The following ENPEP variants were observed in gnomAD, a reference collection of about 807,000 sequenced individuals.
The protein encoded by ENPEP is AP-A.
ENPEP carries 103 observed loss-of-function variants against 114.5 expected under a neutral mutation model. The observed-to-expected ratio is 0.90, with a 90% confidence interval of 0.77 to 1.06. ENPEP has a LOEUF of 1.06. Ranked by LOEUF, ENPEP falls within the 50% of genes least tolerant of loss-of-function variation. ENPEP has a pLI of 0.00. For synonymous variants in ENPEP, 420 were observed against 422.0 expected, an observed-to-expected ratio of 1.00 and a Z score of 0.06; for missense variants, 1,196 against 1,161.3, an observed-to-expected ratio of 1.03 and a Z score of -0.43.
At chr4:110,513,585 T>C in intron 7 of ENPEP, 36 bp downstream of exon 7, 1 of 1,607,408 alleles carries the variant, frequency 6.2e-7, no homozygotes, top group African/African-American at 1.3e-5. Context: ...AACATCTTCC[T>C]GTTTAGTGAC....
intron 11 of ENPEP, among the ~76,000 whole-genome samples, chr4:110,541,673 T>A (rs1726852693): frequency 6.6e-6 from 1 of 152,148 alleles, no homozygotes; most frequent in Admixed American, 6.6e-5. Flanking sequence ...ATAAGATGGA[T>A]TCTTAACATG....
At chr4:110,518,550 AC>A (rs1355949201) in intron 8 of ENPEP, among the ~76,000 whole-genome samples, 1 of 152,256 alleles carries the variant, frequency 6.6e-6, no homozygotes, top group East Asian at 1.9e-4. Context: ...TAAAATTAGT[AC>A]CTTTTAATAT....
intron 13 of ENPEP, among the ~76,000 whole-genome samples, 197 bp downstream of exon 13, chr4:110,543,267 C>A (rs1032626567): frequency 6.6e-6 from 1 of 152,038 alleles, no homozygotes; most frequent in Non-Finnish European, 1.5e-5. Context: ...CTGACATTAG[C>A]CCTTAAGGTA....
chr4:110,517,341 TTAAA>T (rs1465179003), intron 8 of ENPEP, among the ~76,000 whole-genome samples: 4 of 152,186 alleles, frequency 2.6e-5, no homozygotes, highest in African/African-American at 9.7e-5. Flanking sequence ...AAAATGTTTG[TTAAA>T]TGAATGAATG....
At chr4:110,558,200 A>C (rs1727552152) in intron 18 of ENPEP, among the ~76,000 whole-genome samples, 1 of 149,028 alleles carries the variant, frequency 6.7e-6, no homozygotes, top group East Asian at 2.0e-4. Context: ...ACAAACTATC[A>C]GCTTTTATCT....
rs371337822 is a variant in ENPEP, at chr4:110,561,440, G to A, written c.2756G>A (p.Gly919Glu). Residue 919 changes from glycine (G) to glutamate (E), a missense_variant, in exon 20 of 20, where the codon GGA becomes GAA. Physicochemically the swap from Gly to Glu is moderately conservative, Grantham distance 98. Transcript: ENST00000265162. ...ESFFAKYPQA[G>E]AGEKPREQVL... Reference sequence around the variant, plus strand: ...TTTTTTGCAAAATATCCACAAGCTGGAGCAGGAGAAAAACCTAGGGAACAA... The same window carrying A: ...TTTTTTGCAAAATATCCACAAGCTGAAGCAGGAGAAAAACCTAGGGAACAA... 6.2e-7 allele frequency: 1 copy of A among 1,613,952 alleles called. No homozygotes were observed. Among genetic ancestry groups the A allele is most frequent in the African/African-American group, 1.3e-5 (1 of 75,010 alleles).
At chr4:110,493,537 T>C (rs1724804207) in intron 3 of ENPEP, among the ~76,000 whole-genome samples, 1 of 152,104 alleles carries the variant, frequency 6.6e-6, no homozygotes, top group African/African-American at 2.4e-5. Context: ...CCTCCAACCC[T>C]TCCATAGAAG....
At chr4:110,501,656 T>C (rs1031604905) in intron 3 of ENPEP, among the ~76,000 whole-genome samples, 2 of 152,240 alleles carry the variant, frequency 1.3e-5, no homozygotes, top group African/African-American at 2.4e-5. Flanking sequence ...GCTGTATATA[T>C]ACCACATTTT....
At chr4:110,503,135 A>C (rs1394004383) in intron 3 of ENPEP, among the ~76,000 whole-genome samples, 1 of 151,956 alleles carries the variant, frequency 6.6e-6, no homozygotes, top group Non-Finnish European at 1.5e-5. Context: ...ATTCCCACCT[A>C]TGAGTGAGAA....
Position 110,559,675 on chromosome 4 carries a change from C to T in ENPEP, c.2671C>T (p.Arg891Ter), listed in dbSNP as rs762362043. ...TACACTCAATAACAGAAACCTTGGC[C>T]GAATTGTCACAATAGCAGAGCCATT... ...RYTLNNRNLG[R>*]IVTIAEPFNT... The change falls in exon 19 of 20, where the codon CGA becomes TGA. Residue 891 changes from arginine (R) to a stop codon, truncating the protein, a stop_gained. Coordinates refer to ENST00000265162, the MANE Select transcript of ENPEP (RefSeq NM_001977.4). LOFTEE classifies it high-confidence loss of function. The T allele has an allele frequency of 8.5e-5, 137 of 1,613,668 alleles. 1 individual carries two copies. The South Asian group carries it at 1.2e-3, about 14-fold the overall frequency.
chr4:110,479,531 T>C (rs1339439954), intron 1 of ENPEP, among the ~76,000 whole-genome samples: 19 of 152,134 alleles, frequency 1.2e-4, no homozygotes, highest in Non-Finnish European at 2.4e-4. Flanking sequence ...TGTGTATGCA[T>C]GTGTGTGTGT....
Position 110,562,814 on chromosome 4 carries a change from C to G in ENPEP, c.*1256C>G, listed in dbSNP as rs979176709. ...TTTCAATCTGCTATATCTAGAAAAT[C>G]TAAATTTATTTGGAACTTTCAAAAA... is the stretch of plus-strand genomic sequence containing the variant. On this transcript the variant is annotated 3_prime_UTR_variant, in exon 20 of 20. Transcript: ENST00000265162. 10 of 152,026 alleles carry G rather than the reference C, an allele frequency of 6.6e-5. No individual in the cohort carries two copies. Among genetic ancestry groups the G allele is most frequent in the African/African-American group, 2.2e-4 (9 of 41,410 alleles). 9.4% of individuals were successfully genotyped at this position (152,026 alleles called of 1,614,324 possible).
Position 110,555,422 on chromosome 4 carries a change from T to A in ENPEP, c.2642+1967T>A, listed in dbSNP as rs547714340. On this transcript the variant is annotated intron_variant, in intron 18 of 19. Transcript: ENST00000265162. Reference sequence around the variant, plus strand: ...TTTTACTATCTCCATTTCTGAACAATTTATGGTCATCCTGAAATAAATAAT... The same window carrying A: ...TTTTACTATCTCCATTTCTGAACAAATTATGGTCATCCTGAAATAAATAAT... 4.6e-5 allele frequency among the ~76,000 whole-genome samples: 7 copies of A among 152,184 alleles called. No homozygotes were observed. In the East Asian group the frequency reaches 1.2e-3, roughly 25 times the overall value.
At chr4:110,558,438 G>A (rs1421412280) in intron 18 of ENPEP, among the ~76,000 whole-genome samples, 10 of 151,558 alleles carry the variant, frequency 6.6e-5, no homozygotes, top group Admixed American at 2.0e-4. Flanking sequence ...CTTGTGGGGC[G>A]CACACCACCA....
At chr4:110,509,888 TAGC>T in intron 5 of ENPEP, 81 bp downstream of exon 5, 2 of 1,492,148 alleles carry the variant, frequency 1.3e-6, no homozygotes, top group Non-Finnish European at 1.8e-6. Flanking sequence ...ATTTATGACT[TAGC>T]AAATAAAAAA....
chr4:110,552,766 A>G (rs1018006853), intron 17 of ENPEP, among the ~76,000 whole-genome samples: 1 of 152,146 alleles, frequency 6.6e-6, no homozygotes, highest in Admixed American at 6.6e-5. Flanking sequence ...CATTTAATTT[A>G]TCTTGTACTT....
chr4:110,538,080 ATGGTAAATGAGTAT>A (rs1481885184), intron 11 of ENPEP, among the ~76,000 whole-genome samples: 2 of 152,190 alleles, frequency 1.3e-5, no homozygotes, highest in Non-Finnish European at 2.9e-5. Flanking sequence ...GATTTTTGGA[ATGGTAAATGAGTAT>A]TGGCTTTAAT....
At chr4:110,512,235 G>A (rs1578402078) in intron 6 of ENPEP, among the ~76,000 whole-genome samples, 3 of 152,190 alleles carry the variant, frequency 2.0e-5, no homozygotes, top group South Asian at 2.1e-4. Context: ...GGAATACCTC[G>A]TTTCACTGGT....
intron 3 of ENPEP, among the ~76,000 whole-genome samples, chr4:110,501,121 A>T (rs956571542): frequency 3.9e-5 from 6 of 152,100 alleles, no homozygotes; most frequent in African/African-American, 1.2e-4. Context: ...TGTTTGTGAT[A>T]TATGGTAGTT....
Sources: gnomAD v4.1 joint callset for allele counts (sites outside exome capture counted in the v4.1 genomes callset) on GRCh38, gnomAD v4.1.1 for gene constraint, MANE v1.5 for transcripts, NCBI Gene and HGNC (gene_info 2026-07-23, HGNC 2026-07-21) for gene names.